The following ZNF28 variants were observed in gnomAD, a reference collection of about 807,000 sequenced individuals.
The protein encoded by ZNF28 is zinc finger protein 28, also known as zinc finger protein KOX24.
A neutral mutation model predicts 7.2 loss-of-function variants in ZNF28; 5 were observed. The ratio of observed to expected loss-of-function variants is 0.70; its 90% CI spans 0.36 to 1.46. ZNF28 has a LOEUF of 1.46. Among genes scored for constraint, ZNF28 ranks in the 40% most tolerant of loss-of-function variants. The pLI is 0.03. For missense variants in ZNF28, 879 were observed against 866.6 expected (o/e 1.01, Z -0.18); for synonymous variants, 288 against 292.4 (o/e 0.99, Z 0.15).
intron 2 of ZNF28, among the ~76,000 whole-genome samples, chr19:52,815,829 A>AAAAT (rs113731677): frequency 0.021 from 3,156 of 146,874 alleles, 583 homozygotes; most frequent in African/African-American, 0.08. Context: ...CATCTCAAAA[A>AAAAT]AAATAAATAA....
In ZNF28 at chr19:52,819,754, G is replaced by A. The variant is rs1259009626; in HGVS notation, c.-73-1723C>T. ...AGAGAAGCATCTTTCACATGCCTGG[G>A]TTAAAGAAAATTCTTTTGAAAGGTT... On this transcript the variant is annotated intron_variant, in intron 1 of 3. Coordinates refer to ENST00000457749, the MANE Select transcript of ZNF28 (RefSeq NM_006969.5). Among the ~76,000 whole-genome samples, 3 of 143,532 alleles carry A rather than the reference G, an allele frequency of 2.1e-5. 1 individual carries two copies. The highest frequency in any genetic ancestry group is 8.5e-5 in the African/African-American group (3 of 35,204). 94.2% of individuals were successfully genotyped at this position (143,532 alleles called of 152,430 possible).
chr19:52,816,248 G>T (rs2063122646), intron 2 of ZNF28, among the ~76,000 whole-genome samples: 1 of 147,034 alleles, frequency 6.8e-6, no homozygotes, highest in Non-Finnish European at 1.5e-5. Flanking sequence ...GCTGGGCATG[G>T]TGGCTTGCAC....
At chr19:52,821,509 G>A (rs1490862357) in intron 1 of ZNF28, 77 bp downstream of exon 1, 1 of 152,266 alleles carries the variant, frequency 6.6e-6, no homozygotes, top group East Asian at 1.9e-4. Context: ...CAGGTCTAGG[G>A]GGACCCCACA....
At chr19:52,821,356 G>A (rs2063195863) in intron 1 of ZNF28, among the ~76,000 whole-genome samples, 1 of 152,132 alleles carries the variant, frequency 6.6e-6, no homozygotes, top group Admixed American at 6.5e-5. Flanking sequence ...TACGAGATAG[G>A]AAGTGTATAC....
intron 2 of ZNF28, among the ~76,000 whole-genome samples, chr19:52,811,609 C>CT (rs948189932): frequency 6.8e-6 from 1 of 148,078 alleles, no homozygotes; most frequent in Admixed American, 6.6e-5. Context: ...TGAGGAGCGT[C>CT]TCTGCCCGGC....
chr19:52,812,266 G>A lies in ZNF28; in HGVS notation c.16-4133C>T, dbSNP rs1234080196. Among the ~76,000 whole-genome samples, 15 of 139,608 alleles carry A rather than the reference G, an allele frequency of 1.1e-4. 1 individual carries two copies. The highest frequency in any genetic ancestry group is 3.7e-3 in the Middle Eastern group (1 of 272). The allele number at this position is 139,608 out of a possible 152,430, so 91.6% of individuals were successfully genotyped here. A position where few individuals can be genotyped will look rare whatever the true frequency, so the allele number is the denominator to read the frequency against. On this transcript the variant is annotated intron_variant, in intron 2 of 3. Coordinates refer to ENST00000457749, the MANE Select transcript of ZNF28 (RefSeq NM_006969.5). ...GGCCACGACCCCGTCTGGGAGGTGT[G>A]CCCAGCGGCTCATTGAGAACGGGCC...
chr19:52,817,380 A>G (rs1375041328), intron 2 of ZNF28, among the ~76,000 whole-genome samples: 1 of 152,208 alleles, frequency 6.6e-6, no homozygotes. Flanking sequence ...TTCAAAAAAA[A>G]TAATAATAAT....
rs996341546 is a variant in ZNF28 at position 52,798,685 on chromosome 19, A to T, written c.*1003T>A. 7.5e-5 allele frequency: 33 copies of T among 442,944 alleles called. No individual in the cohort carries two copies. The highest frequency in any genetic ancestry group is 5.7e-4 in the South Asian group (32 of 56,494). 27.4% of individuals were successfully genotyped at this position (442,944 alleles called of 1,614,324 possible). A position where few individuals can be genotyped will look rare whatever the true frequency, so the allele number is the denominator to read the frequency against. ...AGACCTTGCCACAATCATGACATTTATAAGGTTTCTCTCCAGCATGAGTTC... is the reference window on the plus strand; with the variant it reads ...AGACCTTGCCACAATCATGACATTTTTAAGGTTTCTCTCCAGCATGAGTTC... On this transcript the variant is annotated 3_prime_UTR_variant, in exon 4 of 4. Coordinates refer to ENST00000457749, the MANE Select transcript of ZNF28 (RefSeq NM_006969.5).
chr19:52,805,160 C>G (rs1568650762), intron 3 of ZNF28: 1 of 151,812 alleles, frequency 6.6e-6, no homozygotes, highest in Admixed American at 6.6e-5. Flanking sequence ...GTCCCAGCTA[C>G]TTGGAAGGCT....
chr19:52,799,176 T>G lies in ZNF28; in HGVS notation c.*512A>C. The stretch of plus-strand genomic sequence containing the variant: ...TTGATTAAAAACTATGCCACATTCA[T>G]TACACTTGTAGGGTTTCTCTCCAAT... On this transcript the variant is annotated 3_prime_UTR_variant, in exon 4 of 4. Transcript: ENST00000457749. The G allele has an allele frequency of 2.4e-6, 1 of 414,286 alleles. No individual in the cohort carries two copies. The highest frequency in any genetic ancestry group is 4.7e-6 in the Non-Finnish European group (1 of 214,352). 25.7% of individuals were successfully genotyped at this position (414,286 alleles called of 1,614,324 possible).
At chr19:52,804,774 G>A (rs2062915704) in intron 3 of ZNF28, among the ~76,000 whole-genome samples, 1 of 152,090 alleles carries the variant, frequency 6.6e-6, no homozygotes, top group East Asian at 1.9e-4. Context: ...GAAAGTGCTG[G>A]GATTAGAAAA....
chr19:52,798,164 G>A lies in ZNF28; in HGVS notation c.*1524C>T, dbSNP rs759047797. ...AAAAAGAAAAAAGAAAGAAAGAATA[G>A]AAATGAAAACACAGGCTGGGAAAAG... On this transcript the variant is annotated 3_prime_UTR_variant, in exon 4 of 4. Transcript: ENST00000457749. 6.4e-5 allele frequency: 10 copies of A among 157,438 alleles called. No homozygotes were observed. The highest frequency in any genetic ancestry group is 1.1e-4 in the Non-Finnish European group (8 of 71,834). The allele number at this position is 157,438 out of a possible 1,614,324, so 9.8% of individuals were successfully genotyped here. A position where few individuals can be genotyped will look rare whatever the true frequency, so the allele number is the denominator to read the frequency against.
chr19:52,797,903 A>G lies in ZNF28; in HGVS notation c.*1785T>C, dbSNP rs1380070364. The G allele has an allele frequency of 6.6e-6, 1 of 152,194 alleles. No homozygotes were observed. Among genetic ancestry groups the G allele is most frequent in the Admixed American group, 6.6e-5 (1 of 15,262 alleles). The allele number at this position is 152,194 out of a possible 1,614,324, so 9.4% of individuals were successfully genotyped here. On this transcript the variant is annotated 3_prime_UTR_variant, in exon 4 of 4. Coordinates refer to ENST00000457749, the MANE Select transcript of ZNF28 (RefSeq NM_006969.5). ...TTCGGGAGGTAGAGGTGGGTGAATC[A>G]TAAGATCAGAAAATCGAGACCATCC...
Position 52,799,166 on chromosome 19 carries a change from G to A in ZNF28, c.*522C>T. ...GGTGTGACTGTTGATTAAAAACTAT[G>A]CCACATTCATTACACTTGTAGGGTT... On this transcript the variant is annotated 3_prime_UTR_variant, in exon 4 of 4. Transcript: ENST00000457749. 2.4e-6 allele frequency: 1 copy of A among 409,098 alleles called. No individual in the cohort carries two copies. The highest frequency in any genetic ancestry group is 4.7e-6 in the Non-Finnish European group (1 of 211,324). 25.3% of individuals were successfully genotyped at this position (409,098 alleles called of 1,614,324 possible).
At position 52,814,934 on chromosome 19, in the gene ZNF28, C is replaced by CT. The variant is rs1600475789; in HGVS notation, c.15+3009dup. Among the ~76,000 whole-genome samples the CT allele has an allele frequency of 2.1e-5, 3 of 145,606 alleles. No homozygotes were observed. In the East Asian group the frequency reaches 6.0e-4, roughly 29 times the overall value. On this transcript the variant is annotated intron_variant, in intron 2 of 3. Transcript: ENST00000457749. The stretch of plus-strand genomic sequence containing the variant: ...ACAGAATTACTCAAAGTACGAAAAT[C>CT]TTTTTTTGCATATATATGCCCCAAA...
intron 1 of ZNF28, among the ~76,000 whole-genome samples, chr19:52,820,587 G>T (rs1430530675): frequency 6.6e-6 from 1 of 151,894 alleles, no homozygotes. Flanking sequence ...TCCCCGCTGT[G>T]CTTCTCCCTC....
At chr19:52,815,839 A>G (rs73067574) in intron 2 of ZNF28, among the ~76,000 whole-genome samples, 9,373 of 146,342 alleles carry the variant, frequency 0.064, 1,371 homozygotes, top group African/African-American at 0.14. Flanking sequence ...AAAATAAATA[A>G]CTATCGTGTA....
At position 52,808,479 on chromosome 19, in the gene ZNF28, A is replaced by G. The variant is rs189424830; in HGVS notation, c.16-346T>C. On this transcript the variant is annotated intron_variant, in intron 2 of 3. Transcript: ENST00000457749. Reference sequence around the variant, plus strand: ...TGTCTTAAAAGATGACAATGTCCACAGTAAGAGACAGGCTGGGCACAGTGA... The same window carrying G: ...TGTCTTAAAAGATGACAATGTCCACGGTAAGAGACAGGCTGGGCACAGTGA... Among the ~76,000 whole-genome samples the G allele has an allele frequency of 2.6e-3, 396 of 152,290 alleles. 1 individual carries two copies. The highest frequency in any genetic ancestry group is 4.3e-3 in the Non-Finnish European group (294 of 68,036).
At chr19:52,816,832 G>GAAA (rs1248136510) in intron 2 of ZNF28, among the ~76,000 whole-genome samples, 1 of 93,010 alleles carries the variant, frequency 1.1e-5, no homozygotes. Flanking sequence ...CTCCGTTTCA[G>GAAA]AAAATAATAA....
Sources: gnomAD v4.1 joint callset for allele counts (sites outside exome capture counted in the v4.1 genomes callset) on GRCh38, gnomAD v4.1.1 for gene constraint, MANE v1.5 for transcripts, NCBI Gene and HGNC (gene_info 2026-07-23, HGNC 2026-07-21) for gene names.